The following SMAD2 variants were observed in gnomAD, a reference collection of about 807,000 sequenced individuals.
SMAD2 encodes the protein MAD homolog 2.
A neutral mutation model predicts 64.4 loss-of-function variants in SMAD2; 8 were observed. The observed-to-expected ratio is 0.12, with a 90% CI of 0.07 to 0.22. The LOEUF (loss-of-function observed/expected upper bound fraction) is 0.22. SMAD2 is among the 10% of genes least tolerant of loss of function. SMAD2 has a pLI of 1.00. For missense variants in SMAD2, 289 were observed against 561.2 expected, an observed-to-expected ratio of 0.51 and a Z score of 4.90; for synonymous variants, 203 against 195.8, an observed-to-expected ratio of 1.04 and a Z score of -0.31.
chr18:47,894,984 A>G (rs2033371647), intron 2 of SMAD2, among the ~76,000 whole-genome samples: 1 of 152,192 alleles, frequency 6.6e-6, no homozygotes, highest in African/African-American at 2.4e-5. Context: ...ACGCCAGTCC[A>G]GCCTCTATCG....
chr18:47,886,986 A>AC (rs1465571074), intron 2 of SMAD2: 2 of 152,754 alleles, frequency 1.3e-5, no homozygotes, highest in African/African-American at 4.8e-5. Context: ...GACACACGTA[A>AC]CATCCCTCTT....
chr18:47,881,042 T>G (rs1448664649), intron 2 of SMAD2, among the ~76,000 whole-genome samples: 5 of 152,046 alleles, frequency 3.3e-5, no homozygotes, highest in Non-Finnish European at 7.4e-5. Context: ...GTGTTGGAAT[T>G]TTACCTACCC....
intron 1 of SMAD2, among the ~76,000 whole-genome samples, chr18:47,912,858 C>CAAAAAAAAAAAAAAA: frequency 1.7e-5 from 1 of 59,244 alleles, no homozygotes; most frequent in East Asian, 5.7e-4. Flanking sequence ...GTATAAACAG[C>CAAAAAAAAAAAAAAA]AAAAAAAAAA....
chr18:47,928,421 T>G (rs148234254), intron 1 of SMAD2, among the ~76,000 whole-genome samples: 26 of 152,322 alleles, frequency 1.7e-4, no homozygotes, highest in African/African-American at 6.3e-4. Flanking sequence ...GCAACATGAT[T>G]CTAATATTTA....
chr18:47,879,778 G>A (rs980073098), intron 2 of SMAD2, among the ~76,000 whole-genome samples: 2 of 152,018 alleles, frequency 1.3e-5, no homozygotes, highest in Non-Finnish European at 1.5e-5. Flanking sequence ...TCCAGAGTAC[G>A]ATTTTACAGT....
intron 1 of SMAD2, among the ~76,000 whole-genome samples, chr18:47,919,409 T>C (rs2034465796): frequency 6.7e-6 from 1 of 149,454 alleles, no homozygotes; most frequent in Non-Finnish European, 1.5e-5. Context: ...CAGTGAGCCA[T>C]GATCACCCTA....
intron 10 of SMAD2, among the ~76,000 whole-genome samples, chr18:47,844,457 TTCTC>T (rs1038329579): frequency 3.3e-5 from 5 of 152,348 alleles, no homozygotes; most frequent in East Asian, 1.9e-4. Flanking sequence ...TCAAGAAGTC[TTCTC>T]TCTCTTTGAT....
intron 1 of SMAD2, among the ~76,000 whole-genome samples, chr18:47,916,607 G>A (rs1327411824): frequency 6.6e-6 from 1 of 152,128 alleles, no homozygotes; most frequent in Non-Finnish European, 1.5e-5. Context: ...GCTTCACCAT[G>A]TTGGCCAGGC....
chr18:47,848,734 A>T (rs2144301442), intron 7 of SMAD2, 47 bp from the exon 8 acceptor site: 1 of 1,339,500 alleles, frequency 7.5e-7, no homozygotes, highest in Non-Finnish European at 1.0e-6. Context: ...GAAATGCGTG[A>T]ACAATTCAAG....
At chr18:47,856,982 C>G (rs1186716312) in intron 6 of SMAD2, among the ~76,000 whole-genome samples, 1 of 150,496 alleles carries the variant, frequency 6.6e-6, no homozygotes, top group African/African-American at 2.4e-5. Flanking sequence ...CTCAGCCTCC[C>G]AAGTAGCTGG....
At chr18:47,853,523 C>T (rs1002132054) in intron 6 of SMAD2, 3 of 187,892 alleles carry the variant, frequency 1.6e-5, no homozygotes, top group Non-Finnish European at 3.1e-5. Context: ...GACTCTGTCT[C>T]GAGAGGGAAA....
chr18:47,834,934 G>A lies in SMAD2; in HGVS notation c.*6893C>T. On this transcript the variant is annotated 3_prime_UTR_variant, in exon 11 of 11. Transcript: ENST00000262160. ...GGAGACACAGCCCTCCGATTACAAA[G>A]GCCCAGAATGTTACTTTTAACTGTG... 1 of 223,206 alleles carries A rather than the reference G, an allele frequency of 4.5e-6. No homozygotes were observed. Among genetic ancestry groups the A allele is most frequent in the East Asian group, 6.5e-5 (1 of 15,468 alleles). 13.8% of individuals were successfully genotyped at this position (223,206 alleles called of 1,614,324 possible).
intron 7 of SMAD2, among the ~76,000 whole-genome samples, chr18:47,849,915 G>C (rs1167016621): frequency 1.3e-5 from 2 of 151,594 alleles, no homozygotes; most frequent in African/African-American, 4.9e-5. Flanking sequence ...GGCTGAGGCA[G>C]AGAATTGCTT....
In SMAD2 at chr18:47,812,704, C is replaced by T. The variant is rs1912243504; in HGVS notation, c.*29123G>A. 1 of 152,164 alleles carries T rather than the reference C, an allele frequency of 6.6e-6. No individual in the cohort carries two copies. The highest frequency in any genetic ancestry group is 1.5e-5 in the Non-Finnish European group (1 of 68,046). 9.4% of individuals were successfully genotyped at this position (152,164 alleles called of 1,614,324 possible). A position where few individuals can be genotyped will look rare whatever the true frequency, so the allele number is the denominator to read the frequency against. On this transcript the variant is annotated 3_prime_UTR_variant, in exon 11 of 11. Transcript: ENST00000262160. ...ACCCAAACCATATCAGAGCTCATAA[C>T]TTAAGTGGTGGTAATCAAATCTAAA... is the stretch of plus-strand genomic sequence containing the variant.
chr18:47,891,800 A>G (rs1406611267), intron 2 of SMAD2, among the ~76,000 whole-genome samples: 1 of 152,030 alleles, frequency 6.6e-6, no homozygotes, highest in African/African-American at 2.4e-5. Context: ...GAAAAAAGAC[A>G]AGAATAGTCT....
intron 6 of SMAD2, among the ~76,000 whole-genome samples, chr18:47,853,990 TAAC>T (rs2030411523): frequency 6.6e-6 from 1 of 152,108 alleles, no homozygotes. Flanking sequence ...TCATTTAAAT[TAAC>T]AGGCGTTCAG....
chr18:47,884,387 C>T (rs1057318013), intron 2 of SMAD2, among the ~76,000 whole-genome samples: 4 of 152,146 alleles, frequency 2.6e-5, no homozygotes, highest in African/African-American at 4.8e-5. Flanking sequence ...CAAAGTAACA[C>T]GTCTAAGGTC....
intron 2 of SMAD2, among the ~76,000 whole-genome samples, chr18:47,876,890 T>C (rs918865085): frequency 5.9e-5 from 9 of 151,996 alleles, no homozygotes; most frequent in Admixed American, 5.9e-4. Flanking sequence ...AATTTACTAC[T>C]TTTTTTGCGT....
At chr18:47,927,515 G>C (rs1428068534) in intron 1 of SMAD2, among the ~76,000 whole-genome samples, 2 of 152,238 alleles carry the variant, frequency 1.3e-5, no homozygotes, top group Non-Finnish European at 2.9e-5. Flanking sequence ...GGGTGTACTT[G>C]TTTGCTGTTA....
Sources: gnomAD v4.1 joint callset for allele counts (sites outside exome capture counted in the v4.1 genomes callset) on GRCh38, gnomAD v4.1.1 for gene constraint, MANE v1.5 for transcripts, NCBI Gene and HGNC (gene_info 2026-07-23, HGNC 2026-07-21) for gene names.